The following BAIAP2L1 variants were observed in gnomAD, a reference collection of about 807,000 sequenced individuals.
BAIAP2L1 encodes the protein BAR/IMD domain containing adaptor protein 2 like 1.
In BAIAP2L1, 35 loss-of-function variants were observed where a neutral mutation model predicts 66.3. The observed-to-expected ratio is 0.53, with a 90% CI of 0.40 to 0.70. BAIAP2L1 has a LOEUF of 0.70. Among genes scored for constraint, BAIAP2L1 ranks in the 30% least tolerant of loss-of-function variants. The pLI is 0.00. For synonymous variants in BAIAP2L1, 269 were observed against 248.7 expected, an observed-to-expected ratio of 1.08 and a Z score of -0.77; for missense variants, 622 against 656.9, an observed-to-expected ratio of 0.95 and a Z score of 0.58.
intron 2 of BAIAP2L1, among the ~76,000 whole-genome samples, chr7:98,359,768 T>TA (rs1554337633): frequency 6.9e-6 from 1 of 144,444 alleles, no homozygotes; most frequent in African/African-American, 2.5e-5. Context: ...TTTTTTTTTT[T>TA]AATTTTTTTG....
intron 1 of BAIAP2L1, among the ~76,000 whole-genome samples, chr7:98,376,267 G>A (rs543134698): frequency 1.4e-4 from 21 of 152,134 alleles, no homozygotes; most frequent in African/African-American, 4.6e-4. Context: ...ACTTTGGGGG[G>A]CTGAGGCAGG....
chr7:98,369,972 A>G (rs1459543966), intron 1 of BAIAP2L1, among the ~76,000 whole-genome samples: 1 of 151,964 alleles, frequency 6.6e-6, no homozygotes, highest in Non-Finnish European at 1.5e-5. Context: ...ATACCCAACC[A>G]ATTTCCTGAT....
chr7:98,315,226 A>G (rs1470966366), intron 7 of BAIAP2L1, among the ~76,000 whole-genome samples: 1 of 151,918 alleles, frequency 6.6e-6, no homozygotes, highest in Non-Finnish European at 1.5e-5. Flanking sequence ...GGCTGAAGGG[A>G]TCCTCCCACC....
chr7:98,319,640 C>G (rs149942775), intron 5 of BAIAP2L1, among the ~76,000 whole-genome samples: 3,668 of 151,592 alleles, frequency 0.024, 145 homozygotes, highest in African/African-American at 0.085. Flanking sequence ...TCCGCCTCCC[C>G]GGTTCAAGCC....
intron 1 of BAIAP2L1, among the ~76,000 whole-genome samples, chr7:98,371,206 GA>G (rs924730028): frequency 4.6e-5 from 7 of 150,880 alleles, no homozygotes; most frequent in South Asian, 2.1e-4. Flanking sequence ...CTGTTACTAA[GA>G]AAAAAAAATA....
chr7:98,358,595 G>A (rs1055841671), intron 2 of BAIAP2L1, among the ~76,000 whole-genome samples: 2 of 151,688 alleles, frequency 1.3e-5, no homozygotes, highest in East Asian at 1.9e-4. Context: ...GGGCTCAAGC[G>A]ATCCTCCCAC....
Position 98,310,440 on chromosome 7 carries a change from C to T in BAIAP2L1, c.955+5G>A. ...TCTTCAAATAAATCAGACTGAATCTCTTACCTGTTGAATTATTTACCCTTT... is the reference window on the plus strand; with the variant it reads ...TCTTCAAATAAATCAGACTGAATCTTTTACCTGTTGAATTATTTACCCTTT... On this transcript the variant is annotated splice_donor_5th_base_variant and intron_variant, in intron 9 of 13. Transcript: ENST00000005260. 9 of 1,583,016 alleles carry T rather than the reference C, an allele frequency of 5.7e-6. No individual in the cohort carries two copies. The highest frequency in any genetic ancestry group is 7.7e-6 in the Non-Finnish European group (9 of 1,169,958).
intron 8 of BAIAP2L1, 34 bp downstream of exon 8, chr7:98,312,063 C>T (rs1268365006): frequency 1.1e-5 from 17 of 1,555,370 alleles, no homozygotes; most frequent in Non-Finnish European, 1.3e-5. Context: ...AGGAAACACA[C>T]GATTGAAATC....
At chr7:98,301,662 G>GGT (rs140880740) in intron 12 of BAIAP2L1, among the ~76,000 whole-genome samples, 30 of 151,498 alleles carry the variant, frequency 2.0e-4, no homozygotes, top group Admixed American at 7.2e-4. Flanking sequence ...TGAAGATGAT[G>GGT]GTGTGTGTGT....
chr7:98,309,626 T>C (rs1800797248), intron 9 of BAIAP2L1: 1 of 152,258 alleles, frequency 6.6e-6, no homozygotes, highest in Admixed American at 6.5e-5. Flanking sequence ...ATCCTAGTCA[T>C]CATTCTGGAA....
At chr7:98,390,407 A>G (rs1803007728) in intron 1 of BAIAP2L1, among the ~76,000 whole-genome samples, 1 of 151,808 alleles carries the variant, frequency 6.6e-6, no homozygotes. Flanking sequence ...TACATTAAAT[A>G]TTATAAAAGT....
intron 1 of BAIAP2L1, among the ~76,000 whole-genome samples, chr7:98,395,461 G>A (rs1043111097): frequency 6.6e-6 from 1 of 150,630 alleles, no homozygotes; most frequent in African/African-American, 2.4e-5. Flanking sequence ...AAAGTTAGGA[G>A]AGGGGCTACC....
At chr7:98,331,170 A>C (rs1801486862) in intron 3 of BAIAP2L1, among the ~76,000 whole-genome samples, 1 of 152,214 alleles carries the variant, frequency 6.6e-6, no homozygotes, top group Non-Finnish European at 1.5e-5. Flanking sequence ...ACGTCAACAT[A>C]AACTTCCGAA....
chr7:98,350,551 C>T (rs1801977921), intron 3 of BAIAP2L1, among the ~76,000 whole-genome samples: 1 of 152,028 alleles, frequency 6.6e-6, no homozygotes, highest in South Asian at 2.1e-4. Flanking sequence ...CGCAGCTACT[C>T]AGGAGGCTGA....
chr7:98,364,707 C>A (rs1038217710), intron 1 of BAIAP2L1, among the ~76,000 whole-genome samples: 1 of 151,982 alleles, frequency 6.6e-6, no homozygotes, highest in Non-Finnish European at 1.5e-5. Flanking sequence ...CTTGGTCAGG[C>A]GTGATGGCTC....
chr7:98,328,328 G>A (rs1245265900), intron 3 of BAIAP2L1, among the ~76,000 whole-genome samples: 1 of 152,106 alleles, frequency 6.6e-6, no homozygotes, highest in Non-Finnish European at 1.5e-5. Flanking sequence ...CACGAAGACG[G>A]GGCAAAGGTC....
chr7:98,389,178 TC>T (rs1217997179), intron 1 of BAIAP2L1, among the ~76,000 whole-genome samples: 3 of 151,754 alleles, frequency 2.0e-5, no homozygotes, highest in Non-Finnish European at 4.4e-5. Context: ...TGTACTCCTC[TC>T]CCCTCCCCCA....
intron 1 of BAIAP2L1, among the ~76,000 whole-genome samples, chr7:98,382,038 G>A (rs1802772467): frequency 6.7e-6 from 1 of 150,006 alleles, no homozygotes; most frequent in Non-Finnish European, 1.5e-5. Context: ...CCATTCTCCT[G>A]CCTCAGCCTC....
chr7:98,371,817 C>T (rs1171743426), intron 1 of BAIAP2L1, among the ~76,000 whole-genome samples: 7 of 149,104 alleles, frequency 4.7e-5, no homozygotes, highest in South Asian at 2.1e-4. Flanking sequence ...TTTTCTGAGA[C>T]GGAGTCTCGC....
Sources: allele counts gnomAD v4.1 joint callset (sites outside exome capture counted in the v4.1 genomes callset), GRCh38; gene constraint gnomAD v4.1.1; transcripts MANE v1.5; gene names NCBI Gene and HGNC (gene_info 2026-07-23, HGNC 2026-07-21).